Variants in LRRC63 observed in about 807,000 individuals in gnomAD.
LRRC63 encodes the protein leucine-rich repeat-containing protein 63.
Under a neutral mutation model 49.5 loss-of-function variants are expected in LRRC63, and 40 were observed. That is an observed-to-expected ratio of 0.81 (90% confidence interval 0.63 to 1.05). The LOEUF (loss-of-function observed/expected upper bound fraction) is 1.05. Ranked by LOEUF, LRRC63 falls within the 50% of genes least tolerant of loss-of-function variation. The pLI, the probability that LRRC63 is intolerant of heterozygous loss-of-function variation, is 0.00. For missense variants in LRRC63, 636 were observed against 663.1 expected (o/e 0.96, Z 0.45); for synonymous variants, 191 against 221.1 (o/e 0.86, Z 1.21).
At chr13:46,236,417 G>A (rs751040923) in intron 5 of LRRC63, among the ~76,000 whole-genome samples, 6 of 152,134 alleles carry the variant, frequency 3.9e-5, no homozygotes, top group Non-Finnish European at 7.4e-5. Context: ...AATCTTGACA[G>A]CAGCAATCAA....
chr13:46,218,354 C>T (rs1402576919), intron 2 of LRRC63, among the ~76,000 whole-genome samples: 1 of 152,076 alleles, frequency 6.6e-6, no homozygotes, highest in Non-Finnish European at 1.5e-5. Context: ...TATGTAATGC[C>T]CTCCTTTGTC....
At chr13:46,273,427 C>A (rs575636103) in intron 9 of LRRC63, among the ~76,000 whole-genome samples, 45 of 151,808 alleles carry the variant, frequency 3.0e-4, no homozygotes, top group African/African-American at 1.0e-3. Context: ...GTGGTGAAAC[C>A]CTGTCTCTAC....
chr13:46,240,173 C>G (rs562260324), intron 5 of LRRC63, among the ~76,000 whole-genome samples: 25 of 144,440 alleles, frequency 1.7e-4, no homozygotes, highest in Non-Finnish European at 1.2e-4. Flanking sequence ...GTTGCCCAGG[C>G]TGGAGTGCAG....
At chr13:46,240,019 C>A (rs2047009860) in intron 5 of LRRC63, among the ~76,000 whole-genome samples, 1 of 152,052 alleles carries the variant, frequency 6.6e-6, no homozygotes, top group South Asian at 2.1e-4. Context: ...ATAAGAGCCA[C>A]CTATGACAGA....
At chr13:46,224,618 G>A (rs896304688) in intron 2 of LRRC63, among the ~76,000 whole-genome samples, 4 of 152,188 alleles carry the variant, frequency 2.6e-5, no homozygotes, top group Non-Finnish European at 5.9e-5. Context: ...TCCTTTGGAA[G>A]TTTCATATTT....
At chr13:46,256,041 A>G (rs1259474471) in intron 7 of LRRC63, among the ~76,000 whole-genome samples, 1 of 152,190 alleles carries the variant, frequency 6.6e-6, no homozygotes, top group Non-Finnish European at 1.5e-5. Flanking sequence ...TCAGTATTCC[A>G]TTCCTTTTTA....
intron 1 of LRRC63, among the ~76,000 whole-genome samples, chr13:46,212,698 A>T (rs931684552): frequency 6.6e-6 from 1 of 152,254 alleles, no homozygotes; most frequent in Non-Finnish European, 1.5e-5. Flanking sequence ...TAGTTGAAAT[A>T]GCATTGGCAA....
chr13:46,217,437 C>T (rs917324256), intron 2 of LRRC63, among the ~76,000 whole-genome samples: 29 of 152,162 alleles, frequency 1.9e-4, no homozygotes, highest in Non-Finnish European at 3.8e-4. Flanking sequence ...GTTTGTATTT[C>T]TGTGGGATCA....
intron 8 of LRRC63, among the ~76,000 whole-genome samples, chr13:46,264,239 C>T (rs2047652036): frequency 6.6e-6 from 1 of 152,144 alleles, no homozygotes; most frequent in Admixed American, 6.5e-5. Context: ...CTGTCTTTCC[C>T]GGAATTCAGT....
At chr13:46,243,356 C>T (rs1278764399) in intron 5 of LRRC63, among the ~76,000 whole-genome samples, 1 of 151,952 alleles carries the variant, frequency 6.6e-6, no homozygotes, top group Admixed American at 6.6e-5. Flanking sequence ...TACTTAAACA[C>T]AAAGGTAGTA....
intron 5 of LRRC63, among the ~76,000 whole-genome samples, chr13:46,238,761 A>G (rs1306143110): frequency 6.6e-6 from 1 of 152,206 alleles, no homozygotes; most frequent in Non-Finnish European, 1.5e-5. Context: ...CAGCCAAACC[A>G]TATCAATAAC....
chr13:46,252,071 C>T (rs916748908), intron 7 of LRRC63, among the ~76,000 whole-genome samples: 1 of 151,766 alleles, frequency 6.6e-6, no homozygotes, highest in African/African-American at 2.4e-5. Flanking sequence ...CATATTAAAG[C>T]CAAGAATGAA....
At chr13:46,238,589 A>G (rs2046969233) in intron 5 of LRRC63, among the ~76,000 whole-genome samples, 4 of 152,186 alleles carry the variant, frequency 2.6e-5, no homozygotes, top group Admixed American at 1.3e-4. Context: ...AAGCATGTGC[A>G]GGGGAACTGC....
At chr13:46,238,763 A>G (rs894121654) in intron 5 of LRRC63, among the ~76,000 whole-genome samples, 7 of 152,224 alleles carry the variant, frequency 4.6e-5, no homozygotes, top group African/African-American at 1.4e-4. Flanking sequence ...GCCAAACCAT[A>G]TCAATAACCA....
intron 9 of LRRC63, chr13:46,270,335 TG>T (rs757263059): frequency 1.9e-5 from 16 of 859,834 alleles, no homozygotes; most frequent in South Asian, 1.1e-4. Context: ...GAAATTTAAG[TG>T]GGGGGCACAG....
intron 2 of LRRC63, among the ~76,000 whole-genome samples, chr13:46,221,400 A>G (rs1259468547): frequency 6.6e-6 from 1 of 152,204 alleles, no homozygotes; most frequent in African/African-American, 2.4e-5. Context: ...ATCACACAAA[A>G]AGGTGAGGTA....
chr13:46,246,472 A>T, intron 5 of LRRC63, 55 bp from the exon 6 acceptor site: 1 of 806,594 alleles, frequency 1.2e-6, no homozygotes, highest in Non-Finnish European at 1.8e-6. Flanking sequence ...TCTTGTATAA[A>T]CTATTTTGTG....
intron 7 of LRRC63, among the ~76,000 whole-genome samples, chr13:46,261,688 T>C (rs1220249354): frequency 1.3e-5 from 2 of 152,172 alleles, no homozygotes; most frequent in Non-Finnish European, 2.9e-5. Context: ...TAAATAGGGC[T>C]TTGTCCACTC....
chr13:46,238,119 A>T (rs1011760136), intron 5 of LRRC63, among the ~76,000 whole-genome samples: 2 of 152,210 alleles, frequency 1.3e-5, no homozygotes, highest in African/African-American at 4.8e-5. Context: ...CTAAATATAT[A>T]TGCACCCAAT....
Sources: gnomAD v4.1 joint callset for allele counts (sites outside exome capture counted in the v4.1 genomes callset) on GRCh38, gnomAD v4.1.1 for gene constraint, MANE v1.5 for transcripts, NCBI Gene and HGNC (gene_info 2026-07-23, HGNC 2026-07-21) for gene names.